ATP10B: variants seen among roughly 807,000 people sequenced by gnomAD.
ATP10B encodes phospholipid-transporting ATPase VB.
In ATP10B, 122 loss-of-function variants were observed where a neutral mutation model predicts 141.2. That is an observed-to-expected ratio of 0.86 (90% CI 0.75 to 1.00). The LOEUF is 1.00. Ranked by LOEUF, ATP10B falls within the 50% of genes least tolerant of loss-of-function variation. The pLI, the probability that ATP10B is intolerant of heterozygous loss-of-function variation, is 0.00. For missense variants in ATP10B, 1,876 were observed against 1,825.3 expected (o/e 1.03, Z -0.51); for synonymous variants, 685 against 692.0 (o/e 0.99, Z 0.16).
At chr5:160,637,075 T>C (rs897706582) in intron 10 of ATP10B, among the ~76,000 whole-genome samples, 1 of 137,672 alleles carries the variant, frequency 7.3e-6, no homozygotes, top group East Asian at 2.3e-4. Flanking sequence ...CATCCATCCA[T>C]CTTTCTATCC....
intron 10 of ATP10B, among the ~76,000 whole-genome samples, chr5:160,638,115 T>G (rs1393909203): frequency 6.6e-6 from 1 of 152,146 alleles, no homozygotes; most frequent in Admixed American, 6.6e-5. Context: ...AGTAAACATG[T>G]GGTCAAGAAC....
chr5:160,788,967 C>T (rs986237068), intron 1 of ATP10B, among the ~76,000 whole-genome samples: 14 of 152,076 alleles, frequency 9.2e-5, no homozygotes, highest in Admixed American at 6.6e-4. Context: ...ATGGCTTAAT[C>T]GACATTCAAA....
At chr5:160,757,468 AATAGAG>A (rs1233219576) in intron 2 of ATP10B, among the ~76,000 whole-genome samples, 1 of 152,192 alleles carries the variant, frequency 6.6e-6, no homozygotes, top group Non-Finnish European at 1.5e-5. Flanking sequence ...ACTTTGTGAG[AATAGAG>A]ATATTGTCTA....
intron 1 of ATP10B, among the ~76,000 whole-genome samples, chr5:160,800,975 G>GCT (rs569966742): frequency 2.6e-4 from 40 of 152,192 alleles, no homozygotes; most frequent in Non-Finnish European, 3.5e-4. Flanking sequence ...CTGTTTGCTG[G>GCT]CTCTTGGTCC....
At chr5:160,812,020 CAGAGAGAG>C (rs34793101) in intron 1 of ATP10B, among the ~76,000 whole-genome samples, 1,610 of 111,372 alleles carry the variant, frequency 0.014, 10 homozygotes, top group Middle Eastern at 0.031. Flanking sequence ...GAGACAGAGA[CAGAGAGAG>C]AGAGAGAGAG....
chr5:160,717,032 G>C lies in ATP10B; in HGVS notation c.-328C>G. On this transcript the variant is annotated splice_region_variant and 5_prime_UTR_variant, in exon 3 of 26. Coordinates refer to ENST00000327245, the MANE Select transcript of ATP10B (RefSeq NM_025153.3). ...AATTGTTGATCAGAATAAATTGCAA[G>C]TTCTGTAAGCAAGAAAAGAAAATAT... is the stretch of plus-strand genomic sequence containing the variant. 2.0e-6 allele frequency: 2 copies of C among 985,358 alleles called. No homozygotes were observed. The highest frequency in any genetic ancestry group is 2.4e-6 in the Non-Finnish European group (2 of 829,878). The allele number at this position is 985,358 out of a possible 1,614,324, so 61.0% of individuals were successfully genotyped here.
chr5:160,750,101 A>G (rs1189452493), intron 2 of ATP10B, among the ~76,000 whole-genome samples: 1 of 152,226 alleles, frequency 6.6e-6, no homozygotes, highest in Non-Finnish European at 1.5e-5. Flanking sequence ...GAGAATAAAA[A>G]GATGTTCTGA....
At chr5:160,892,193 C>T in the ATP10B span, among the ~76,000 whole-genome samples, 1 of 152,190 alleles carries the variant, frequency 6.6e-6, no homozygotes, top group Non-Finnish European at 1.5e-5. Flanking sequence ...AAAACCCAAG[C>T]TCCAAGCTCC....
At chr5:160,903,043 T>C in the ATP10B span, among the ~76,000 whole-genome samples, 2 of 152,166 alleles carry the variant, frequency 1.3e-5, no homozygotes, top group Admixed American at 6.5e-5. Context: ...TAAAAACTAA[T>C]GATAATATTA....
At chr5:160,794,245 T>G (rs73306175) in intron 1 of ATP10B, among the ~76,000 whole-genome samples, 48 of 152,262 alleles carry the variant, frequency 3.2e-4, no homozygotes, top group African/African-American at 1.1e-3. Flanking sequence ...GTTAATGAAT[T>G]GCTGCATTTT....
Position 160,649,310 on chromosome 5 carries a change from TA to T in ATP10B, c.676-55del, listed in dbSNP as rs1179848406. The T allele has an allele frequency of 1.8e-5, 23 of 1,291,408 alleles. No individual in the cohort carries two copies. The South Asian group carries it at 2.8e-4, about 15-fold the overall frequency. The allele number at this position is 1,291,408 out of a possible 1,614,324, so 80.0% of individuals were successfully genotyped here. On this transcript the variant is annotated intron_variant, in intron 7 of 25. Transcript: ENST00000327245. ...TTAATTCAGAGGGATCTAGTTTTAA[TA>T]GGATCACTGGGAGAGCTAATCACTG...
intron 1 of ATP10B, among the ~76,000 whole-genome samples, chr5:160,795,507 A>G (rs1275265385): frequency 6.6e-6 from 1 of 152,100 alleles, no homozygotes; most frequent in Non-Finnish European, 1.5e-5. Context: ...AGTCACAATG[A>G]ATAGGGGTGA....
intron 2 of ATP10B, among the ~76,000 whole-genome samples, chr5:160,767,493 G>A (rs547055328): frequency 3.9e-5 from 6 of 152,144 alleles, no homozygotes; most frequent in East Asian, 1.9e-4. Context: ...GTAATTCTGC[G>A]ATTTGAACCA....
rs191408644 is a variant in ATP10B at position 160,601,815 on chromosome 5, A to G, written c.3363+762T>C. Among the ~76,000 whole-genome samples, 203 of 152,334 alleles carry G rather than the reference A, an allele frequency of 1.3e-3. 2 individuals carry two copies. The highest frequency in any genetic ancestry group is 4.6e-3 in the African/African-American group (193 of 41,570). On this transcript the variant is annotated intron_variant, in intron 21 of 25. Transcript: ENST00000327245. Reference sequence around the variant, plus strand: ...CCCAGACAAACTCTGCACCTCAAACATCTTTGCCAAGTAGATATTTTATTT... The same window carrying G: ...CCCAGACAAACTCTGCACCTCAAACGTCTTTGCCAAGTAGATATTTTATTT...
the ATP10B span, among the ~76,000 whole-genome samples, chr5:160,877,100 A>C: frequency 6.6e-6 from 1 of 152,184 alleles, no homozygotes; most frequent in Non-Finnish European, 1.5e-5. Flanking sequence ...ATTTTAGACC[A>C]ATATCCTTGA....
At chr5:160,813,979 C>A (rs56688864) in intron 1 of ATP10B, among the ~76,000 whole-genome samples, 50,617 of 152,030 alleles carry the variant, frequency 0.33, 9,633 homozygotes, top group East Asian at 0.44. Flanking sequence ...AAAACCCCAT[C>A]TGTACGTCAC....
rs1403269644 is a variant in ATP10B, at chr5:160,662,626, A to G, written c.675+7837T>C. ...AGCTGAAACTGGATCCCTTCCTTAC[A>G]CCTTATACAAAAATTAATTCAAGAT... On this transcript the variant is annotated intron_variant, in intron 7 of 25. Coordinates refer to ENST00000327245, the MANE Select transcript of ATP10B (RefSeq NM_025153.3). 3.9e-5 allele frequency among the ~76,000 whole-genome samples: 6 copies of G among 152,310 alleles called. No homozygotes were observed. In the East Asian group the frequency reaches 9.6e-4, roughly 24 times the overall value.
intron 1 of ATP10B, among the ~76,000 whole-genome samples, chr5:160,818,764 G>A (rs1049433900): frequency 3.9e-5 from 6 of 152,158 alleles, no homozygotes; most frequent in Non-Finnish European, 8.8e-5. Context: ...GCCCAACAAT[G>A]ATAGACTGGA....
chr5:160,916,416 T>C, the ATP10B span, among the ~76,000 whole-genome samples: 1 of 151,964 alleles, frequency 6.6e-6, no homozygotes, highest in Non-Finnish European at 1.5e-5. Context: ...GTAGATAGCT[T>C]CCCAGGGTAA....
Sources: gnomAD v4.1 joint callset for allele counts (sites outside exome capture counted in the v4.1 genomes callset) on GRCh38, gnomAD v4.1.1 for gene constraint, MANE v1.5 for transcripts, NCBI Gene and HGNC (gene_info 2026-07-23, HGNC 2026-07-21) for gene names.